Variants in CRIM1 observed in about 807,000 individuals in gnomAD.
CRIM1 encodes cysteine-rich motor neuron 1 protein.
CRIM1 carries 32 observed loss-of-function variants against 116.4 expected under a neutral mutation model. The ratio of observed to expected loss-of-function variants is 0.27; its 90% CI spans 0.21 to 0.37. The LOEUF (loss-of-function observed/expected upper bound fraction) is 0.37. Ranked by LOEUF, CRIM1 falls within the 10% of genes least tolerant of loss-of-function variation. The pLI, the probability that CRIM1 is intolerant of heterozygous loss-of-function variation, is 1.00. For missense variants in CRIM1, 1,331 were observed against 1,354.8 expected, an observed-to-expected ratio of 0.98 and a Z score of 0.28; for synonymous variants, 590 against 509.2, an observed-to-expected ratio of 1.16 and a Z score of -2.13.
At chr2:36,366,102 G>A (rs1263697641) in intron 1 of CRIM1, among the ~76,000 whole-genome samples, 2 of 152,320 alleles carry the variant, frequency 1.3e-5, no homozygotes, top group East Asian at 1.9e-4. Flanking sequence ...GTAAATATTG[G>A]CTGATAATTC....
intron 5 of CRIM1, among the ~76,000 whole-genome samples, chr2:36,474,909 C>T (rs4670560): frequency 0.24 from 36,034 of 149,144 alleles, 4,443 homozygotes; most frequent in East Asian, 0.39. Context: ...GTCAAAATAC[C>T]TGTAAATGTG....
intron 7 of CRIM1, among the ~76,000 whole-genome samples, chr2:36,493,767 G>T (rs1680395003): frequency 6.6e-6 from 1 of 152,132 alleles, no homozygotes. Flanking sequence ...AGATTAGACA[G>T]CAATTTAAAA....
intron 11 of CRIM1, among the ~76,000 whole-genome samples, chr2:36,516,969 A>G (rs1163749492): frequency 6.6e-6 from 1 of 152,192 alleles, no homozygotes; most frequent in South Asian, 2.1e-4. Flanking sequence ...AGTATTCTGT[A>G]AATGAGAGAT....
At chr2:36,505,903 G>A (rs1312568611) in intron 8 of CRIM1, among the ~76,000 whole-genome samples, 1 of 152,138 alleles carries the variant, frequency 6.6e-6, no homozygotes, top group Non-Finnish European at 1.5e-5. Flanking sequence ...ACCCAGTGTG[G>A]CAGGCTCACT....
In CRIM1 at chr2:36,356,567, T is replaced by A; in HGVS notation, c.275T>A (p.Ile92Asn). ...GTCDRGLRCV[I>N]RPPLNGDSLT... ...TGCGACCGGGGGCTGCGTTGTGTCA[T>A]CCGCCCCCCGCTCAATGGCGACTCC... The change falls in exon 1 of 17, where the codon ATC (isoleucine) becomes AAC (asparagine). Residue 92 changes from isoleucine to asparagine, a missense_variant. Physicochemically the swap from Ile to Asn is moderately radical, Grantham distance 149 (BLOSUM62 -3). Transcript: ENST00000280527. This position sits in a 1 kb window ranked among gnomAD's most constrained non-coding sequence, Gnocchi z 4.3. 6.2e-7 allele frequency: 1 copy of A among 1,612,158 alleles called. No homozygotes were observed. The highest frequency in any genetic ancestry group is 8.5e-7 in the Non-Finnish European group (1 of 1,179,746).
intron 4 of CRIM1, among the ~76,000 whole-genome samples, chr2:36,450,160 ATG>A (rs1277203659): frequency 2.0e-5 from 3 of 152,174 alleles, no homozygotes; most frequent in Non-Finnish European, 4.4e-5. Flanking sequence ...TTCTAATAGA[ATG>A]TCGATATCTC....
intron 7 of CRIM1, among the ~76,000 whole-genome samples, chr2:36,483,654 G>A (rs1283835748): frequency 6.6e-6 from 1 of 152,116 alleles, no homozygotes; most frequent in African/African-American, 2.4e-5. Flanking sequence ...CCCCTGTAAA[G>A]AAAGAATTTG....
intron 2 of CRIM1, among the ~76,000 whole-genome samples, chr2:36,397,720 T>C (rs4233914): frequency 0.73 from 111,274 of 152,120 alleles, 41,746 homozygotes; most frequent in East Asian, 0.99. Context: ...AGTTTCCAAG[T>C]TATATTAAAT....
Position 36,499,260 on chromosome 2 carries a change from T to A in CRIM1, c.1414T>A (p.Leu472Ile), listed in dbSNP as rs1378425158. The change falls in exon 8 of 17, where the codon TTA becomes ATA. Residue 472 changes from leucine to isoleucine, a missense_variant. Coordinates refer to ENST00000280527, the MANE Select transcript of CRIM1 (RefSeq NM_016441.3). ...ITVDPPACGELSNCTLTGKDC... is the reference protein window; with the variant it reads ...ITVDPPACGEISNCTLTGKDC... ...AGTTGATCCACCTGCATGTGGGGAGTTATCAAACTGCACTCTGACAGGGAA... is the reference window on the plus strand; with the variant it reads ...AGTTGATCCACCTGCATGTGGGGAGATATCAAACTGCACTCTGACAGGGAA... 6.2e-7 allele frequency: 1 copy of A among 1,613,034 alleles called. No individual in the cohort carries two copies. Among genetic ancestry groups the A allele is most frequent in the Non-Finnish European group, 8.5e-7 (1 of 1,179,222 alleles).
In CRIM1 at chr2:36,506,157, ACTCTCT is replaced by A. The variant is rs1191448142; in HGVS notation, c.1502-3806_1502-3801del. On this transcript the variant is annotated intron_variant, in intron 8 of 16. Coordinates refer to ENST00000280527, the MANE Select transcript of CRIM1 (RefSeq NM_016441.3). ...TGCACACACACACACACACACACACACTCTCTCTCTCTCTCTCTCTCTCTCACACAC... is the reference window on the plus strand; with the variant it reads ...TGCACACACACACACACACACACACACTCTCTCTCTCTCTCTCTCACACAC... 9.7e-4 allele frequency among the ~76,000 whole-genome samples: 122 copies of A among 125,268 alleles called. 1 individual carries two copies. Among genetic ancestry groups the A allele is most frequent in the Middle Eastern group, 3.8e-3 (1 of 262 alleles). 82.2% of individuals were successfully genotyped at this position (125,268 alleles called of 152,430 possible). A position where few individuals can be genotyped will look rare whatever the true frequency, so the allele number is the denominator to read the frequency against.
At chr2:36,385,803 C>G (rs766703000) in intron 1 of CRIM1, among the ~76,000 whole-genome samples, 1 of 152,164 alleles carries the variant, frequency 6.6e-6, no homozygotes, top group Non-Finnish European at 1.5e-5. Flanking sequence ...GGGATTTAGA[C>G]CTAGGTTGCT....
intron 1 of CRIM1, among the ~76,000 whole-genome samples, chr2:36,362,118 T>C (rs919835923): frequency 1.6e-4 from 25 of 151,986 alleles, no homozygotes; most frequent in African/African-American, 3.6e-4. Flanking sequence ...AGATAAGAAA[T>C]AAAGACAGCA....
rs756950848 is a variant in CRIM1 at position 36,356,600 on chromosome 2, A to T, written c.308A>T (p.Glu103Val). Residue 103 changes from glutamate (E) to valine (V), a missense_variant, in exon 1 of 17, where the codon GAG becomes GTG. Glu to Val is a moderately radical substitution (Grantham distance 121). Around this residue, in one of 3 missense-constraint regions of CRIM1, gnomAD observed 690 missense variants for 676.0 expected, o/e 1.02. Coordinates refer to ENST00000280527, the MANE Select transcript of CRIM1 (RefSeq NM_016441.3). The surrounding 1 kb of genome is among the most constrained non-coding windows in gnomAD (Gnocchi z 4.3). ...RPPLNGDSLTEYEAGVCEDEN... is the reference protein window; with the variant it reads ...RPPLNGDSLTVYEAGVCEDEN... ...CCGCTCAATGGCGACTCCCTCACCG[A>T]GTACGAAGCGGGCGTTTGCGAAGGT... The T allele has an allele frequency of 3.1e-6, 5 of 1,609,758 alleles. No homozygotes were observed. The highest frequency in any genetic ancestry group is 1.1e-5 in the South Asian group (1 of 90,920).
intron 5 of CRIM1, 63 bp from the exon 6 acceptor site, chr2:36,476,826 A>T (rs1482853936): frequency 7.2e-7 from 1 of 1,386,204 alleles, no homozygotes; most frequent in Non-Finnish European, 9.9e-7. Context: ...TGTTTGAAAA[A>T]CATCAAAGGA....
chr2:36,474,724 T>A lies in CRIM1; in HGVS notation c.992-2165T>A, dbSNP rs560095676. On this transcript the variant is annotated intron_variant, in intron 5 of 16. Transcript: ENST00000280527. ...TTAGCTGGGCATGGTGTCATGCACC[T>A]GTAGTCCCAGATACTTGGGAGGCTG... 2.0e-5 allele frequency among the ~76,000 whole-genome samples: 3 copies of A among 151,774 alleles called. No individual in the cohort carries two copies. The East Asian group carries it at 5.8e-4, about 29-fold the overall frequency.
At chr2:36,511,591 G>A (rs1407145221) in intron 9 of CRIM1, among the ~76,000 whole-genome samples, 1 of 152,206 alleles carries the variant, frequency 6.6e-6, no homozygotes, top group Non-Finnish European at 1.5e-5. Context: ...CAACCGTCAT[G>A]TTGGAGAAAA....
intron 1 of CRIM1, among the ~76,000 whole-genome samples, chr2:36,377,738 G>T (rs894124407): frequency 1.3e-5 from 2 of 152,122 alleles, no homozygotes; most frequent in Non-Finnish European, 2.9e-5. Context: ...TTCATGCTTT[G>T]TTGAGTAAAT....
chr2:36,476,822 A>T (rs1679007611), intron 5 of CRIM1, 67 bp from the exon 6 acceptor site: 3 of 1,372,586 alleles, frequency 2.2e-6, no homozygotes, highest in Non-Finnish European at 3.0e-6. Context: ...AGGCTGTTTG[A>T]AAAACATCAA....
At chr2:36,379,174 A>G (rs1430814946) in intron 1 of CRIM1, 1 of 152,026 alleles carries the variant, frequency 6.6e-6, no homozygotes. Flanking sequence ...TTTTGTAACT[A>G]TGAAATCCTT....
Sources: allele counts gnomAD v4.1 joint callset (sites outside exome capture counted in the v4.1 genomes callset), GRCh38; gene constraint gnomAD v4.1.1; regional missense constraint gnomAD v4.1.1; non-coding constraint Gnocchi (gnomAD v3.1); transcripts MANE v1.5; gene names NCBI Gene and HGNC (gene_info 2026-07-23, HGNC 2026-07-21).